SARS2: variants seen among roughly 807,000 people sequenced by gnomAD.
SARS2 encodes seryl-tRNA synthetase 2, mitochondrial, also known as serine--tRNA ligase, mitochondrial.
SARS2 carries 52 observed loss-of-function variants against 66.8 expected under a neutral mutation model. That is an observed-to-expected ratio of 0.78 (90% confidence interval 0.62 to 0.98). The LOEUF (loss-of-function observed/expected upper bound fraction) is 0.98. SARS2 is among the 50% of genes least tolerant of loss of function. SARS2 has a pLI of 0.00. For synonymous variants in SARS2, 306 were observed against 281.4 expected, an observed-to-expected ratio of 1.09 and a Z score of -0.87; for missense variants, 673 against 706.3, an observed-to-expected ratio of 0.95 and a Z score of 0.53.
At chr19:38,919,391 T>C (rs1421049998) in intron 7 of SARS2, among the ~76,000 whole-genome samples, 3 of 152,220 alleles carry the variant, frequency 2.0e-5, no homozygotes, top group Non-Finnish European at 4.4e-5. Flanking sequence ...CCGTGACCAA[T>C]GCTCCATGCA....
At chr19:38,919,979 G>A in intron 6 of SARS2, 107 bp downstream of exon 6, 2 of 1,373,500 alleles carry the variant, frequency 1.5e-6, no homozygotes, top group South Asian at 1.2e-5. Flanking sequence ...GGGCATCAAA[G>A]ATTCATGGCA....
At chr19:38,919,065 C>T (rs997075160) in intron 7 of SARS2, among the ~76,000 whole-genome samples, 16 of 152,036 alleles carry the variant, frequency 1.1e-4, no homozygotes, top group African/African-American at 3.6e-4. Context: ...AAAAATTAGC[C>T]GGCATGGAGA....
In SARS2 at chr19:38,917,724, C is replaced by T. The variant is rs763626465; in HGVS notation, c.1160G>A (p.Arg387Gln). The change falls in exon 12 of 16, where the codon CGG becomes CAG. Residue 387 changes from arginine to glutamine, a missense_variant and splice_region_variant. Transcript: ENST00000221431. ...EILTELGLHF[R>Q]VLDMPTQELG... The stretch of plus-strand genomic sequence containing the variant: ...CTGGATCCCTGGCCCCTCTCCACAC[C>T]GGAAGTGCAAGCCCAGCTCTGTCAA... 51 of 1,605,550 alleles carry T rather than the reference C, an allele frequency of 3.2e-5. No individual in the cohort carries two copies. Among genetic ancestry groups the T allele is most frequent in the Non-Finnish European group, 4.1e-5 (48 of 1,173,002 alleles).
rs1162677390 is a variant in SARS2, at chr19:38,918,760, A to T, written c.807+6T>A. ...TGGGCGAGGGAAGCGGAGAGGCCTC[A>T]CTCACAAACACTGCTCCGCGGAGAA... On this transcript the variant is annotated splice_donor_region_variant and intron_variant, in intron 8 of 15. Coordinates refer to ENST00000221431, the MANE Select transcript of SARS2 (RefSeq NM_017827.4). The T allele has an allele frequency of 1.3e-6, 2 of 1,558,652 alleles. No individual in the cohort carries two copies. The highest frequency in any genetic ancestry group is 3.9e-5 in the Admixed American group (2 of 51,238).
intron 2 of SARS2, among the ~76,000 whole-genome samples, chr19:38,922,608 C>T (rs1047373897): frequency 1.3e-5 from 2 of 152,146 alleles, no homozygotes; most frequent in African/African-American, 2.4e-5. Context: ...TGTGTCTCCA[C>T]CCAAATAATA....
chr19:38,916,387 T>C (rs571108014), intron 12 of SARS2, 73 bp from the exon 13 acceptor site: 2 of 1,374,838 alleles, frequency 1.5e-6, no homozygotes. Flanking sequence ...ATGGAAACGA[T>C]GGAAGAGAAG....
rs7508411 is a variant in SARS2 at position 38,917,720 on chromosome 19, A to G, written c.1160+4T>C. The G allele has an allele frequency of 0.66, 1,041,236 of 1,567,934 alleles. 347,783 individuals are homozygous for G. Among genetic ancestry groups the G allele is most frequent in the East Asian group, 0.97 (43,523 of 44,664 alleles). ...ATCCCTGGATCCCTGGCCCCTCTCCACACCGGAAGTGCAAGCCCAGCTCTG... is the reference window on the plus strand; with the variant it reads ...ATCCCTGGATCCCTGGCCCCTCTCCGCACCGGAAGTGCAAGCCCAGCTCTG... On this transcript the variant is annotated splice_donor_region_variant and intron_variant, in intron 12 of 15. Coordinates refer to ENST00000221431, the MANE Select transcript of SARS2 (RefSeq NM_017827.4).
At position 38,916,231 on chromosome 19, in the gene SARS2, C is replaced by T. The variant is rs760467800; in HGVS notation, c.1244G>A (p.Arg415His). Residue 415 changes from arginine (R) to histidine (H), a missense_variant, in exon 13 of 16, where the codon CGC becomes CAC. By Grantham distance (29) the Arg-to-His change is conservative. Transcript: ENST00000221431. ...CGGCACAGGGCTCACCTCTCCAAAG[C>T]GGCCTCGGCCTGGCATCCAGGCCTC... ...DIEAWMPGRG[R>H]FGEVTSASNC... The T allele has an allele frequency of 2.9e-5, 46 of 1,614,010 alleles. No individual in the cohort carries two copies. The highest frequency in any genetic ancestry group is 1.9e-4 in the South Asian group (17 of 91,084).
chr19:38,926,361 A>G, intron 1 of SARS2, 61 bp from the exon 2 acceptor site: 2 of 1,519,340 alleles, frequency 1.3e-6, no homozygotes, highest in African/African-American at 1.4e-5. Context: ...TTCTCTCTGG[A>G]GCCCACTGGC....
chr19:38,921,051 A>G (rs993514302), intron 5 of SARS2, among the ~76,000 whole-genome samples: 1 of 123,880 alleles, frequency 8.1e-6, no homozygotes, highest in East Asian at 2.5e-4. Context: ...ATACACAGAT[A>G]CAGACACACA....
Position 38,915,443 on chromosome 19 carries a change from A to G in SARS2, c.*163T>C, listed in dbSNP as rs766748907. ...GTCAGTGACTGACTCTGAGGCAGCA[A>G]GGACAGAGGAGAGGTGGACCCCGTG... On this transcript the variant is annotated 3_prime_UTR_variant, in exon 16 of 16. Transcript: ENST00000221431. 1.4e-6 allele frequency: 1 copy of G among 713,588 alleles called. No homozygotes were observed. The highest frequency in any genetic ancestry group is 2.6e-5 in the Admixed American group (1 of 38,452). 44.2% of individuals were successfully genotyped at this position (713,588 alleles called of 1,614,324 possible). A position where few individuals can be genotyped will look rare whatever the true frequency, so the allele number is the denominator to read the frequency against.
intron 13 of SARS2, 38 bp from the exon 14 acceptor site, chr19:38,916,167 T>C: frequency 6.2e-7 from 1 of 1,612,996 alleles, no homozygotes; most frequent in South Asian, 1.1e-5. Context: ...GGATCAGGGA[T>C]GGGGGGCAGG....
intron 12 of SARS2, among the ~76,000 whole-genome samples, chr19:38,916,664 G>GGTTT (rs1555743011): frequency 3.7e-5 from 5 of 133,836 alleles, no homozygotes; most frequent in Non-Finnish European, 1.6e-5. Flanking sequence ...GGCACCCTCG[G>GGTTT]TTTTTTTTTT....
At chr19:38,916,015 C>G in intron 14 of SARS2, 22 bp downstream of exon 14, 1 of 1,612,788 alleles carries the variant, frequency 6.2e-7, no homozygotes, top group African/African-American at 1.3e-5. Context: ...GGCACGCGGG[C>G]AGGAGGCTGT....
At chr19:38,919,211 C>T (rs987618610) in intron 7 of SARS2, among the ~76,000 whole-genome samples, 4 of 152,140 alleles carry the variant, frequency 2.6e-5, no homozygotes, top group Admixed American at 2.0e-4. Context: ...TACTTAAACC[C>T]GGGAGGTGGA....
chr19:38,920,702 AAGAC>A (rs1050442217), intron 5 of SARS2, among the ~76,000 whole-genome samples: 2 of 150,848 alleles, frequency 1.3e-5, no homozygotes, highest in Non-Finnish European at 3.0e-5. Context: ...CAGACACACA[AAGAC>A]AGACACGCAC....
At chr19:38,925,607 CA>C (rs1261393606) in intron 2 of SARS2, among the ~76,000 whole-genome samples, 7 of 152,156 alleles carry the variant, frequency 4.6e-5, no homozygotes, top group Non-Finnish European at 1.0e-4. Flanking sequence ...TCCCCTGGCA[CA>C]GTCATGTGAG....
At chr19:38,924,773 G>A (rs1974600282) in intron 2 of SARS2, among the ~76,000 whole-genome samples, 1 of 152,116 alleles carries the variant, frequency 6.6e-6, no homozygotes, top group South Asian at 2.1e-4. Context: ...CCCCAGAGTA[G>A]CTGGGACTAC....
chr19:38,922,122 T>C (rs1209846005), intron 3 of SARS2, 116 bp downstream of exon 3: 6 of 1,606,750 alleles, frequency 3.7e-6, no homozygotes, highest in Non-Finnish European at 5.1e-6. Flanking sequence ...GCCTATTTTT[T>C]TTTTCCCCTT....
Sources: allele counts gnomAD v4.1 joint callset (sites outside exome capture counted in the v4.1 genomes callset), GRCh38; gene constraint gnomAD v4.1.1; transcripts MANE v1.5; gene names NCBI Gene and HGNC (gene_info 2026-07-23, HGNC 2026-07-21).